NMNAT2: variants seen among roughly 807,000 people sequenced by gnomAD.
NMNAT2 encodes nicotinamide/nicotinic acid mononucleotide adenylyltransferase 2.
NMNAT2 carries 11 observed loss-of-function variants against 41.6 expected under a neutral mutation model. The ratio of observed to expected loss-of-function variants is 0.26; its 90% confidence interval spans 0.17 to 0.44. The LOEUF (loss-of-function observed/expected upper bound fraction) is 0.44, where lower values mean the gene tolerates loss of function less well. Ranked by LOEUF, NMNAT2 falls within the 20% of genes least tolerant of loss-of-function variation. The pLI is 1.00. For synonymous variants in NMNAT2, 148 were observed against 151.2 expected, an observed-to-expected ratio of 0.98 and a Z score of 0.16; for missense variants, 288 against 407.7, an observed-to-expected ratio of 0.71 and a Z score of 2.53.
intron 1 of NMNAT2, among the ~76,000 whole-genome samples, chr1:183,357,957 G>T (rs1449654600): frequency 6.6e-6 from 1 of 152,036 alleles, no homozygotes; most frequent in African/African-American, 2.4e-5. Context: ...CTATTATAAA[G>T]ATGCATGCAC....
At chr1:183,352,120 G>A (rs925711949) in intron 1 of NMNAT2, among the ~76,000 whole-genome samples, 10 of 152,154 alleles carry the variant, frequency 6.6e-5, no homozygotes, top group African/African-American at 1.7e-4. Context: ...AAAAGTGTCC[G>A]TTGTTGGGCA....
Position 183,286,751 on chromosome 1 carries a change from G to C in NMNAT2, c.359C>G (p.Pro120Arg). Residue 120 changes from proline to arginine, a missense_variant, in exon 5 of 11, where the codon CCT (proline) becomes CGT (arginine). Pro to Arg is a moderately radical substitution (Grantham distance 103). Coordinates refer to ENST00000287713, the MANE Select transcript of NMNAT2 (RefSeq NM_015039.4). ...TGCILSNVNT[P>R]SMTPVIGQPQ... ...CTGTCCGATCACAGGTGTCATGGAA[G>C]GTGTGTTGACATTGGAGAGGATGCA... is the stretch of plus-strand genomic sequence containing the variant. The C allele has an allele frequency of 1.2e-6, 2 of 1,611,638 alleles. No individual in the cohort carries two copies.
chr1:183,274,461 G>A (rs1325249566), intron 8 of NMNAT2, among the ~76,000 whole-genome samples: 3 of 151,796 alleles, frequency 2.0e-5, no homozygotes, highest in Admixed American at 6.6e-5. Flanking sequence ...ACAGGTGCCC[G>A]CCACCATGCC....
chr1:183,266,669 G>C (rs1044115463), intron 8 of NMNAT2: 1 of 160,034 alleles, frequency 6.2e-6, no homozygotes, highest in African/African-American at 2.4e-5. Context: ...AATTGCATGG[G>C]GTTGTGATAG....
chr1:183,291,070 C>A (rs1661527831), intron 3 of NMNAT2, among the ~76,000 whole-genome samples: 1 of 152,164 alleles, frequency 6.6e-6, no homozygotes, highest in African/African-American at 2.4e-5. Context: ...GCACATGCCA[C>A]CATGCCCAGT....
At chr1:183,270,348 G>A (rs145371239) in intron 8 of NMNAT2, among the ~76,000 whole-genome samples, 136 of 152,228 alleles carry the variant, frequency 8.9e-4, no homozygotes, top group African/African-American at 3.2e-3. Flanking sequence ...GATGCAAAGA[G>A]AGAACTTGTG....
intron 1 of NMNAT2, chr1:183,305,002 T>C (rs1020733454): frequency 2.4e-5 from 13 of 533,440 alleles, no homozygotes; most frequent in Non-Finnish European, 3.4e-5. Context: ...AAGTGTGGCC[T>C]CTGTTCAAAT....
intron 1 of NMNAT2, among the ~76,000 whole-genome samples, chr1:183,323,276 C>G (rs1662390205): frequency 6.6e-6 from 1 of 152,198 alleles, no homozygotes; most frequent in African/African-American, 2.4e-5. Flanking sequence ...TGCACCACCA[C>G]TTCCTCCCTC....
chr1:183,279,610 C>T (rs1225762489), intron 7 of NMNAT2, among the ~76,000 whole-genome samples: 1 of 152,164 alleles, frequency 6.6e-6, no homozygotes, highest in Non-Finnish European at 1.5e-5. Flanking sequence ...TGCCTTAGAC[C>T]CTGTGGCTAG....
At chr1:183,306,731 A>G (rs977981527) in intron 1 of NMNAT2, among the ~76,000 whole-genome samples, 4 of 152,190 alleles carry the variant, frequency 2.6e-5, no homozygotes, top group Non-Finnish European at 5.9e-5. Flanking sequence ...AGCCTTTGTA[A>G]TTCCTTAGGT....
chr1:183,335,777 G>T (rs1464164681), intron 1 of NMNAT2, among the ~76,000 whole-genome samples: 1 of 152,092 alleles, frequency 6.6e-6, no homozygotes, highest in African/African-American at 2.4e-5. Flanking sequence ...AGATTATAGG[G>T]TCTCAGAAGT....
At chr1:183,272,203 T>C in intron 8 of NMNAT2, among the ~76,000 whole-genome samples, 1 of 152,218 alleles carries the variant, frequency 6.6e-6, no homozygotes, top group East Asian at 1.9e-4. Flanking sequence ...CCCTGTAGCC[T>C]CTGGCCTTGG....
intron 1 of NMNAT2, among the ~76,000 whole-genome samples, chr1:183,363,175 T>C (rs1663341103): frequency 6.6e-6 from 1 of 152,222 alleles, no homozygotes; most frequent in African/African-American, 2.4e-5. Flanking sequence ...ATAACTGCTA[T>C]TGCAAGCATG....
At position 183,261,011 on chromosome 1, in the gene NMNAT2, G is replaced by A; in HGVS notation, c.812C>T (p.Thr271Ile). 1.2e-6 allele frequency: 2 copies of A among 1,613,338 alleles called. No individual in the cohort carries two copies. The highest frequency in any genetic ancestry group is 8.5e-7 in the Non-Finnish European group (1 of 1,179,320). ...CATTTGTCAAACATACCTGCTCTTG[G>A]TTGAGCTGACAACAGACATGGGATG... is the stretch of plus-strand genomic sequence containing the variant. ...INHPMSVVSS[T>I]KSRLALQHGD... The change falls in exon 10 of 11, where the codon ACC (threonine) becomes ATC (isoleucine). Residue 271 changes from threonine to isoleucine, a missense_variant. This residue lies in a region of NMNAT2 where 181 missense variants were observed against 213.7 expected (regional missense o/e 0.85). Coordinates refer to ENST00000287713, the MANE Select transcript of NMNAT2 (RefSeq NM_015039.4).
intron 1 of NMNAT2, among the ~76,000 whole-genome samples, chr1:183,379,672 A>G (rs970206352): frequency 8.5e-5 from 13 of 152,218 alleles, no homozygotes; most frequent in African/African-American, 3.1e-4. Flanking sequence ...AGTCACCAAG[A>G]AGACATAACA....
At chr1:183,364,510 C>T (rs1464305806) in intron 1 of NMNAT2, among the ~76,000 whole-genome samples, 1 of 151,882 alleles carries the variant, frequency 6.6e-6, no homozygotes, top group East Asian at 1.9e-4. Context: ...GAAGAGAAGG[C>T]ATGAAATACA....
At chr1:183,378,793 C>A (rs535045290) in intron 1 of NMNAT2, among the ~76,000 whole-genome samples, 2 of 93,966 alleles carry the variant, frequency 2.1e-5, no homozygotes, top group South Asian at 8.9e-4. Flanking sequence ...CTTGTAATCC[C>A]AGCACTTTGG....
chr1:183,393,817 A>G (rs918890844), intron 1 of NMNAT2, among the ~76,000 whole-genome samples: 2 of 152,088 alleles, frequency 1.3e-5, no homozygotes, highest in African/African-American at 2.4e-5. Flanking sequence ...CGGCCTTCCA[A>G]AGTGCTGGGA....
At chr1:183,253,116 C>T (rs2102271125) in intron 10 of NMNAT2, among the ~76,000 whole-genome samples, 1 of 151,942 alleles carries the variant, frequency 6.6e-6, no homozygotes, top group East Asian at 1.9e-4. Flanking sequence ...CTAATGTATT[C>T]ACTATTCTTT....
Sources: gnomAD v4.1 joint callset for allele counts (sites outside exome capture counted in the v4.1 genomes callset) on GRCh38, gnomAD v4.1.1 for gene constraint, gnomAD v4.1.1 regional missense constraint, MANE v1.5 for transcripts, NCBI Gene and HGNC (gene_info 2026-07-23, HGNC 2026-07-21) for gene names.